The following MIA2 variants were observed in gnomAD, a reference collection of about 807,000 sequenced individuals.
The protein encoded by MIA2 is melanoma inhibitory activity protein 2.
Under a neutral mutation model 167.8 loss-of-function variants are expected in MIA2, and 127 were observed. That is an observed-to-expected ratio of 0.76 (90% CI 0.66 to 0.88). The LOEUF is 0.88. Among genes scored for constraint, MIA2 ranks in the 40% least tolerant of loss-of-function variants. The probability of loss-of-function intolerance (pLI) is 0.00; values close to 1 mark genes in which losing one functional copy is unlikely to be tolerated. For synonymous variants in MIA2, 552 were observed against 541.9 expected (o/e 1.02, Z -0.26); for missense variants, 1,690 against 1,624.7 (o/e 1.04, Z -0.69).
intron 6 of MIA2, among the ~76,000 whole-genome samples, chr14:39,271,331 G>A (rs1411924033): frequency 1.3e-5 from 2 of 152,056 alleles, no homozygotes; most frequent in African/African-American, 2.4e-5. Context: ...CTGTCCCTAT[G>A]CCATTACTAC....
intron 9 of MIA2, among the ~76,000 whole-genome samples, chr14:39,284,545 A>T (rs564886388): frequency 2.0e-5 from 3 of 152,122 alleles, no homozygotes; most frequent in Middle Eastern, 3.2e-3. Flanking sequence ...TTGCTATTCC[A>T]TATTAAATTT....
At chr14:39,350,819 A>G (rs1595922401), downstream of MIA2, 1 of 152,314 alleles carries the variant, frequency 6.6e-6, no homozygotes, top group South Asian at 2.1e-4. Flanking sequence ...AATAGACATG[A>G]GTGGCCCAAA....
intron 23 of MIA2, among the ~76,000 whole-genome samples, chr14:39,368,764 A>T (rs2074876913): frequency 7.1e-6 from 1 of 140,886 alleles, no homozygotes; most frequent in Non-Finnish European, 1.5e-5. Flanking sequence ...TTTTTCAATT[A>T]TATATTCCAG....
chr14:39,269,091 T>TTTTTTTTTG, intron 6 of MIA2: 1 of 958,394 alleles, frequency 1.0e-6, no homozygotes, highest in Non-Finnish European at 1.2e-6. Context: ...TTTTTTTTTT[T>TTTTTTTTTG]TTTTTTTTGC....
chr14:39,340,082 A>G (rs149279030), intron 25 of MIA2, among the ~76,000 whole-genome samples: 4 of 152,276 alleles, frequency 2.6e-5, no homozygotes, highest in East Asian at 1.9e-4. Context: ...GGCTCAAGCA[A>G]TCCTCCCACC....
chr14:39,262,579 G>T (rs956808019), intron 6 of MIA2, among the ~76,000 whole-genome samples: 1 of 152,134 alleles, frequency 6.6e-6, no homozygotes, highest in African/African-American at 2.4e-5. Flanking sequence ...GATGGGGATG[G>T]CATTGAATCT....
intron 23 of MIA2, among the ~76,000 whole-genome samples, chr14:39,365,695 CTAGT>C (rs1229689103): frequency 7.7e-6 from 1 of 129,662 alleles, no homozygotes; most frequent in East Asian, 2.3e-4. Context: ...ATCTATCTAT[CTAGT>C]AATTTCTCAT....
At chr14:39,386,508 C>A in intron 23 of MIA2, 1 of 1,429,778 alleles carries the variant, frequency 7.0e-7, no homozygotes, top group Non-Finnish European at 9.7e-7. Flanking sequence ...GGATTCTTGG[C>A]CTTTTTTTTT....
rs1319432732 is a variant in MIA2 at position 39,314,699 on chromosome 14, G to A, written c.3120-40G>A. On this transcript the variant is annotated intron_variant, in intron 19 of 28. Coordinates refer to ENST00000640607, the MANE Select transcript of MIA2 (RefSeq NM_001329214.4). ...TAGAGAGTATGTTCTGTCATTTCAT[G>A]TTATATGTTAATAGTAGAATAATTA... 2.9e-6 allele frequency: 4 copies of A among 1,385,486 alleles called. No homozygotes were observed. In the Admixed American group the frequency reaches 5.9e-5, roughly 20 times the overall value. 85.8% of individuals were successfully genotyped at this position (1,385,486 alleles called of 1,614,324 possible).
At chr14:39,260,022 T>C (rs1422234045) in intron 6 of MIA2, among the ~76,000 whole-genome samples, 2 of 152,190 alleles carry the variant, frequency 1.3e-5, no homozygotes, top group Non-Finnish European at 2.9e-5. Context: ...TCCATGTCCC[T>C]GCAAAGGACA....
rs1344073013 is a variant in MIA2 at position 39,350,162 on chromosome 14, C to T, written c.4137C>T (p.Pro1379=). The change falls in exon 29 of 29, where the codon CCC becomes CCT. Residue 1379 remains proline (P), a synonymous_variant. Coordinates refer to ENST00000640607, the MANE Select transcript of MIA2 (RefSeq NM_001329214.4). ...TTCCCCCAAGACCTGGATTTTTCCC[C>T]CCACCCCCACATTCTGAAGGTAGAA... is the stretch of plus-strand genomic sequence containing the variant. ...PYLPPRPGFF[P]PPPHSEGRSE... is the part of the protein sequence containing the mutation. The T allele has an allele frequency of 2.1e-6, 3 of 1,410,302 alleles. No homozygotes were observed. Among genetic ancestry groups the T allele is most frequent in the Non-Finnish European group, 1.9e-6 (2 of 1,029,172 alleles). The allele number at this position is 1,410,302 out of a possible 1,614,324, so 87.4% of individuals were successfully genotyped here.
chr14:39,386,018 G>A, intron 23 of MIA2: 1 of 986,486 alleles, frequency 1.0e-6, no homozygotes. Context: ...CCTACAGTCT[G>A]TCATGACAAC....
At chr14:39,341,370 C>T (rs1674741182) in intron 25 of MIA2, among the ~76,000 whole-genome samples, 1 of 151,836 alleles carries the variant, frequency 6.6e-6, no homozygotes, top group African/African-American at 2.4e-5. Context: ...TATTTATTTG[C>T]TGATGGGAAT....
intron 9 of MIA2, 67 bp downstream of exon 9, chr14:39,279,604 C>A: frequency 9.9e-7 from 1 of 1,010,974 alleles, no homozygotes. Context: ...ACTGTAGGTA[C>A]TTCTGTGTAA....
At position 39,304,252 on chromosome 14, in the gene MIA2, T is replaced by G. The variant is rs374580963; in HGVS notation, c.2788-39T>G. The G allele has an allele frequency of 1.5e-4, 138 of 947,158 alleles. No individual in the cohort carries two copies. The African/African-American group carries it at 2.1e-3, about 15-fold the overall frequency. The allele number at this position is 947,158 out of a possible 1,614,324, so 58.7% of individuals were successfully genotyped here. On this transcript the variant is annotated intron_variant, in intron 16 of 28. Transcript: ENST00000640607. ...TTTTATTTTTATTTTTTTGTATAACTGATTAATGTTACTTTTTTCCTTCTT... is the reference window on the plus strand; with the variant it reads ...TTTTATTTTTATTTTTTTGTATAACGGATTAATGTTACTTTTTTCCTTCTT...
intron 9 of MIA2, among the ~76,000 whole-genome samples, chr14:39,280,765 C>T (rs934086646): frequency 2.0e-5 from 3 of 150,476 alleles, no homozygotes; most frequent in African/African-American, 7.5e-5. Flanking sequence ...ACAAAAAAAC[C>T]CTACTGGCTG....
chr14:39,379,425 A>G (rs2075108848), intron 23 of MIA2, among the ~76,000 whole-genome samples: 2 of 152,196 alleles, frequency 1.3e-5, no homozygotes, highest in African/African-American at 4.8e-5. Context: ...TAAAACCTTA[A>G]ATCACCTTAA....
chr14:39,279,235 A>G (rs1266685125), intron 7 of MIA2, 102 bp from the exon 8 acceptor site: 4 of 940,778 alleles, frequency 4.3e-6, no homozygotes, highest in East Asian at 4.8e-5. Flanking sequence ...TACAAAGGCA[A>G]TAAGAAACCT....
At chr14:39,316,981 C>T (rs920987892) in intron 21 of MIA2, among the ~76,000 whole-genome samples, 1 of 152,150 alleles carries the variant, frequency 6.6e-6, no homozygotes, top group East Asian at 1.9e-4. Context: ...CCACATCCCT[C>T]CCTCACCGCT....
Sources: gnomAD v4.1 joint callset for allele counts (sites outside exome capture counted in the v4.1 genomes callset) on GRCh38, gnomAD v4.1.1 for gene constraint, MANE v1.5 for transcripts, NCBI Gene and HGNC (gene_info 2026-07-23, HGNC 2026-07-21) for gene names.